The following FOXO1 variants were observed in gnomAD, a reference collection of about 807,000 sequenced individuals.
The protein encoded by FOXO1 is forkhead box O1.
FOXO1 carries 6 observed loss-of-function variants against 44.1 expected under a neutral mutation model. The observed-to-expected ratio is 0.14, with a 90% CI of 0.07 to 0.27. FOXO1 has a LOEUF of 0.27. Among genes scored for constraint, FOXO1 ranks in the 10% least tolerant of loss-of-function variants. The pLI, the probability that FOXO1 is intolerant of heterozygous loss-of-function variation, is 1.00. For missense variants in FOXO1, 737 were observed against 888.8 expected, an observed-to-expected ratio of 0.83 and a Z score of 2.17; for synonymous variants, 380 against 362.7, an observed-to-expected ratio of 1.05 and a Z score of -0.54.
intron 1 of FOXO1, among the ~76,000 whole-genome samples, chr13:40,652,321 T>C (rs1877712234): frequency 6.6e-6 from 1 of 150,584 alleles, no homozygotes. Flanking sequence ...TTGGAGTCTC[T>C]GTCGCCCAGG....
chr13:40,618,861 A>G, intron 1 of FOXO1: 2 of 527,664 alleles, frequency 3.8e-6, no homozygotes, highest in South Asian at 2.8e-5. Context: ...AGGCCTGAGA[A>G]CTCGATGAAG....
chr13:40,620,118 T>C (rs1876559110), intron 1 of FOXO1: 3 of 1,212,346 alleles, frequency 2.5e-6, no homozygotes, highest in Non-Finnish European at 3.6e-6. Context: ...ACAGAGGTAC[T>C]GCATATACCC....
At chr13:40,664,980 G>C (rs1461043689) in intron 1 of FOXO1, among the ~76,000 whole-genome samples, 6 of 152,046 alleles carry the variant, frequency 3.9e-5, no homozygotes, top group Admixed American at 3.3e-4. Context: ...CGGCACTCGA[G>C]GCCACTCCGG....
At chr13:40,595,750 T>C (rs1350787323) in intron 1 of FOXO1, among the ~76,000 whole-genome samples, 1 of 152,146 alleles carries the variant, frequency 6.6e-6, no homozygotes, top group East Asian at 1.9e-4. Flanking sequence ...CCCTGATCAC[T>C]TCTATGCTCT....
intron 1 of FOXO1, among the ~76,000 whole-genome samples, chr13:40,665,213 G>A (rs1043507346): frequency 6.6e-6 from 1 of 151,990 alleles, no homozygotes; most frequent in Non-Finnish European, 1.5e-5. Flanking sequence ...CGGAGGTCCG[G>A]GAGGGAAGGG....
Position 40,555,681 on chromosome 13 carries a change from TAACTC to T in FOXO1, c.*3363_*3367del, listed in dbSNP as rs1469932611. On this transcript the variant is annotated 3_prime_UTR_variant, in exon 3 of 3. Coordinates refer to ENST00000379561, the MANE Select transcript of FOXO1 (RefSeq NM_002015.4). ...TGACAACATTGTGGCTGACAAGACT[TAACTC>T]AAGTATTTAATAGCTTCACAAAAAA... The T allele has an allele frequency of 3.3e-5, 5 of 152,646 alleles. No homozygotes were observed. Among genetic ancestry groups the T allele is most frequent in the Admixed American group, 1.3e-4 (2 of 15,280 alleles). 9.5% of individuals were successfully genotyped at this position (152,646 alleles called of 1,614,324 possible).
At chr13:40,586,791 A>G (rs1429598061) in intron 1 of FOXO1, among the ~76,000 whole-genome samples, 1 of 152,182 alleles carries the variant, frequency 6.6e-6, no homozygotes, top group East Asian at 1.9e-4. Flanking sequence ...TCTGATGGGT[A>G]CGGAAGTTAC....
At chr13:40,615,121 G>A (rs1009287986) in intron 1 of FOXO1, among the ~76,000 whole-genome samples, 7 of 152,326 alleles carry the variant, frequency 4.6e-5, no homozygotes, top group East Asian at 1.9e-4. Context: ...ACCTACCACC[G>A]TGTGGGTTCA....
chr13:40,623,829 T>G (rs1566078540), intron 1 of FOXO1, among the ~76,000 whole-genome samples: 1 of 150,556 alleles, frequency 6.6e-6, no homozygotes, highest in Non-Finnish European at 1.5e-5. Context: ...AGGCCAGGCA[T>G]GGTGGCTCAC....
chr13:40,665,712 G>A lies in FOXO1; in HGVS notation c.501C>T (p.Asp167=), dbSNP rs370130814. 28 of 1,535,114 alleles carry A rather than the reference G, an allele frequency of 1.8e-5. No individual in the cohort carries two copies. The highest frequency in any genetic ancestry group is 1.7e-4 in the Middle Eastern group (1 of 5,830). ...RNAWGNLSYA[D]LITKAIESSA... is the part of the protein sequence containing the mutation. ...AGCTCTCGATGGCCTTGGTGATGAG[G>A]TCGGCGTAGGACAGGTTGCCCCACG... Residue 167 remains aspartate, a synonymous_variant, in exon 1 of 3, where the codon GAC becomes GAT. Coordinates refer to ENST00000379561, the MANE Select transcript of FOXO1 (RefSeq NM_002015.4).
chr13:40,644,428 G>A (rs1769088600), intron 1 of FOXO1, among the ~76,000 whole-genome samples: 1 of 152,272 alleles, frequency 6.6e-6, no homozygotes, highest in Non-Finnish European at 1.5e-5. Flanking sequence ...TTTACTAGGA[G>A]AGAAAAGTAG....
Position 40,620,095 on chromosome 13 carries a change from C to A in FOXO1, c.630+45488G>T, listed in dbSNP as rs991166576. 16 of 1,079,514 alleles carry A rather than the reference C, an allele frequency of 1.5e-5. No homozygotes were observed. In the African/African-American group the frequency reaches 2.3e-4, roughly 16 times the overall value. 66.9% of individuals were successfully genotyped at this position (1,079,514 alleles called of 1,614,324 possible). On this transcript the variant is annotated intron_variant, in intron 1 of 2. Transcript: ENST00000379561. ...AGGTATAACTCAAGTCTTTTTAGAG[C>A]AAGATAGAGAACACAGAGGTACTGC...
At position 40,579,192 on chromosome 13, in the gene FOXO1, G is replaced by A. The variant is rs145910853; in HGVS notation, c.631-18332C>T. On this transcript the variant is annotated intron_variant, in intron 1 of 2. Coordinates refer to ENST00000379561, the MANE Select transcript of FOXO1 (RefSeq NM_002015.4). The stretch of plus-strand genomic sequence containing the variant: ...ATGATTATGCCAAGGTAGAAGGAGG[G>A]GCTCTCACTGAAAGCCCCAGTGCTG... Among the ~76,000 whole-genome samples, 4 of 152,246 alleles carry A rather than the reference G, an allele frequency of 2.6e-5. No individual in the cohort carries two copies. In the East Asian group the frequency reaches 5.8e-4, roughly 22 times the overall value.
chr13:40,561,948 A>AAT (rs2137825260), intron 1 of FOXO1, among the ~76,000 whole-genome samples: 2 of 150,832 alleles, frequency 1.3e-5, no homozygotes, highest in African/African-American at 4.8e-5. Context: ...GTCGCCAAAA[A>AAT]AAAAAAAAAA....
intron 1 of FOXO1, among the ~76,000 whole-genome samples, chr13:40,642,704 A>G (rs184743555): frequency 6.6e-6 from 1 of 152,116 alleles, no homozygotes. Context: ...AGATTGCCTG[A>G]GCTCAGGAGT....
chr13:40,621,341 C>CT (rs1428515042), intron 1 of FOXO1: 2 of 536,856 alleles, frequency 3.7e-6, no homozygotes, highest in East Asian at 1.3e-4. Flanking sequence ...ACATAGCAAA[C>CT]AATGGGTAAA....
intron 1 of FOXO1, among the ~76,000 whole-genome samples, chr13:40,644,052 A>C (rs1364187804): frequency 6.6e-6 from 1 of 152,206 alleles, no homozygotes; most frequent in East Asian, 1.9e-4. Flanking sequence ...TAAAGAGCAA[A>C]TGCTAGAGGG....
chr13:40,621,772 C>A (rs553921039), intron 1 of FOXO1, among the ~76,000 whole-genome samples: 1 of 152,070 alleles, frequency 6.6e-6, no homozygotes, highest in Non-Finnish European at 1.5e-5. Flanking sequence ...TAACTTTTTA[C>A]GAATAATACC....
intron 1 of FOXO1, among the ~76,000 whole-genome samples, chr13:40,663,705 G>T (rs961455345): frequency 2.0e-5 from 3 of 152,156 alleles, no homozygotes; most frequent in African/African-American, 7.2e-5. Context: ...TTACTTTTTT[G>T]AAACACTTGG....
Sources: allele counts gnomAD v4.1 joint callset (sites outside exome capture counted in the v4.1 genomes callset), GRCh38; gene constraint gnomAD v4.1.1; transcripts MANE v1.5; gene names NCBI Gene and HGNC (gene_info 2026-07-23, HGNC 2026-07-21).